CDKAL1: variants seen among roughly 807,000 people sequenced by gnomAD.
CDKAL1 encodes threonylcarbamoyladenosine tRNA methylthiotransferase.
A neutral mutation model predicts 68.2 loss-of-function variants in CDKAL1; 32 were observed. The ratio of observed to expected loss-of-function variants is 0.47; its 90% confidence interval spans 0.35 to 0.63. The LOEUF (loss-of-function observed/expected upper bound fraction) is 0.63. Ranked by LOEUF, CDKAL1 falls within the 30% of genes least tolerant of loss-of-function variation. The pLI is 0.00. For synonymous variants in CDKAL1, 234 were observed against 244.3 expected, an observed-to-expected ratio of 0.96 and a Z score of 0.39; for missense variants, 606 against 696.7, an observed-to-expected ratio of 0.87 and a Z score of 1.47.
chr6:21,152,383 C>T (rs950481585), intron 13 of CDKAL1, among the ~76,000 whole-genome samples: 11 of 152,206 alleles, frequency 7.2e-5, no homozygotes, highest in African/African-American at 2.7e-4. Context: ...ATGAATTGAG[C>T]ACTCAATAGG....
chr6:20,543,732 A>AT (rs758586145), intron 2 of CDKAL1, among the ~76,000 whole-genome samples: 3,476 of 102,374 alleles, frequency 0.034, 263 homozygotes, highest in African/African-American at 0.094. Flanking sequence ...TATGTTTTAC[A>AT]TTTTTTTTTT....
intron 8 of CDKAL1, among the ~76,000 whole-genome samples, chr6:20,799,527 A>G (rs566608262): frequency 6.6e-6 from 1 of 152,352 alleles, no homozygotes; most frequent in East Asian, 1.9e-4. Flanking sequence ...ACAGTTATAT[A>G]GCAGGATTAT....
chr6:20,700,962 A>G (rs1321580533), intron 5 of CDKAL1, among the ~76,000 whole-genome samples: 6 of 150,414 alleles, frequency 4.0e-5, no homozygotes, highest in Admixed American at 1.3e-4. Context: ...TAGACTTAGG[A>G]GCATATCTGA....
At chr6:21,072,277 C>G (rs1274113137) in intron 12 of CDKAL1, among the ~76,000 whole-genome samples, 3 of 152,190 alleles carry the variant, frequency 2.0e-5, no homozygotes, top group Non-Finnish European at 4.4e-5. Flanking sequence ...AAAAGTGACT[C>G]CAAATATTGA....
chr6:20,954,709 G>T (rs1056282226), intron 9 of CDKAL1, among the ~76,000 whole-genome samples: 1 of 152,054 alleles, frequency 6.6e-6, no homozygotes, highest in Non-Finnish European at 1.5e-5. Flanking sequence ...TCATTGCAGG[G>T]TATGATATTT....
chr6:20,942,918 G>A (rs1295491473), intron 9 of CDKAL1, among the ~76,000 whole-genome samples: 1 of 140,220 alleles, frequency 7.1e-6, no homozygotes, highest in African/African-American at 2.6e-5. Context: ...TCACGCCACT[G>A]CACTCCAGCC....
At chr6:20,997,120 G>A (rs1373803358) in intron 10 of CDKAL1, among the ~76,000 whole-genome samples, 2 of 152,204 alleles carry the variant, frequency 1.3e-5, no homozygotes, top group African/African-American at 4.8e-5. Flanking sequence ...AATGCAGAGG[G>A]AAGAGTAAAA....
At chr6:20,838,054 A>G (rs946234176) in intron 8 of CDKAL1, among the ~76,000 whole-genome samples, 2 of 151,688 alleles carry the variant, frequency 1.3e-5, no homozygotes, top group African/African-American at 4.8e-5. Context: ...ACTTTTATAT[A>G]TGTATACATC....
chr6:21,181,367 T>C (rs1248774651), intron 13 of CDKAL1, among the ~76,000 whole-genome samples: 4 of 152,200 alleles, frequency 2.6e-5, no homozygotes. Context: ...TATTAGGCCA[T>C]GAGGGCCCCC....
chr6:20,908,341 G>A (rs1762322395), intron 9 of CDKAL1, among the ~76,000 whole-genome samples: 1 of 152,154 alleles, frequency 6.6e-6, no homozygotes, highest in Admixed American at 6.5e-5. Flanking sequence ...ATTTGGATGG[G>A]CCTAAATGTA....
intron 4 of CDKAL1, among the ~76,000 whole-genome samples, chr6:20,550,393 A>G (rs960953835): frequency 1.3e-5 from 2 of 151,974 alleles, no homozygotes; most frequent in Non-Finnish European, 2.9e-5. Context: ...GGCCATTAGG[A>G]TCTTGTTCAG....
chr6:21,036,653 G>A lies in CDKAL1; in HGVS notation c.1056-28395G>A, dbSNP rs186485053. On this transcript the variant is annotated intron_variant, in intron 11 of 15. Transcript: ENST00000274695. The stretch of plus-strand genomic sequence containing the variant: ...CACACGTTTTTAGCCACCATCAGTT[G>A]TAACATATAGCAGATTCCACTTCAG... Among the ~76,000 whole-genome samples the A allele has an allele frequency of 2.4e-4, 36 of 152,256 alleles. No homozygotes were observed. The East Asian group carries it at 6.9e-3, about 29-fold the overall frequency.
chr6:20,912,082 C>T (rs1267728567), intron 9 of CDKAL1, among the ~76,000 whole-genome samples: 1 of 152,166 alleles, frequency 6.6e-6, no homozygotes, highest in Non-Finnish European at 1.5e-5. Flanking sequence ...TACCCAGGAT[C>T]CACTGCCATT....
intron 5 of CDKAL1, chr6:20,723,783 G>A (rs914281187): frequency 2.0e-5 from 3 of 152,214 alleles, no homozygotes; most frequent in African/African-American, 7.2e-5. Flanking sequence ...ACTTGCTGAA[G>A]CCCAGTTGAG....
intron 1 of CDKAL1, chr6:20,535,007 ATC>A (rs1203310693): frequency 1.3e-5 from 2 of 152,174 alleles, no homozygotes; most frequent in African/African-American, 4.8e-5. Flanking sequence ...CTTTTTCTGA[ATC>A]TCGGGACGAC....
chr6:20,854,869 C>T (rs916230932), intron 9 of CDKAL1, among the ~76,000 whole-genome samples: 1 of 152,120 alleles, frequency 6.6e-6, no homozygotes, highest in African/African-American at 2.4e-5. Context: ...TCTGGGAAAA[C>T]AGATAAGAAT....
chr6:20,668,671 A>G (rs1395385983), intron 5 of CDKAL1, among the ~76,000 whole-genome samples: 6 of 152,242 alleles, frequency 3.9e-5, no homozygotes, highest in Admixed American at 3.3e-4. Flanking sequence ...TTACATAGCC[A>G]TGATGCAGTG....
intron 5 of CDKAL1, among the ~76,000 whole-genome samples, chr6:20,684,678 AT>A (rs1411106980): frequency 6.6e-6 from 1 of 152,094 alleles, no homozygotes; most frequent in Non-Finnish European, 1.5e-5. Flanking sequence ...CCTTGCCAAC[AT>A]TTGGTGTTAG....
intron 8 of CDKAL1, among the ~76,000 whole-genome samples, chr6:20,787,785 G>A (rs541251127): frequency 1.2e-4 from 19 of 152,324 alleles, no homozygotes; most frequent in African/African-American, 3.4e-4. Flanking sequence ...TTGTTGGTCT[G>A]TGATGAGTAC....
Sources: allele counts gnomAD v4.1 joint callset (sites outside exome capture counted in the v4.1 genomes callset), GRCh38; gene constraint gnomAD v4.1.1; transcripts MANE v1.5; gene names NCBI Gene and HGNC (gene_info 2026-07-23, HGNC 2026-07-21).